Variants in ATG2A observed in about 807,000 individuals in gnomAD.
ATG2A encodes autophagy related 2A.
In ATG2A, 103 loss-of-function variants were observed where a neutral mutation model predicts 214.2. The ratio of observed to expected loss-of-function variants is 0.48; its 90% CI spans 0.41 to 0.57. ATG2A has a LOEUF of 0.57. ATG2A is among the 20% of genes least tolerant of loss of function. The probability of loss-of-function intolerance (pLI) is 0.00; values close to 1 mark genes in which losing one functional copy is unlikely to be tolerated. For missense variants in ATG2A, 2,312 were observed against 2,613.2 expected, an observed-to-expected ratio of 0.88 and a Z score of 2.51; for synonymous variants, 1,160 against 1,142.1, an observed-to-expected ratio of 1.02 and a Z score of -0.32.
At position 64,914,399 on chromosome 11, in the gene ATG2A, G is replaced by A. The variant is rs760477927; in HGVS notation, c.273C>T (p.Thr91=). 1.1e-5 allele frequency: 17 copies of A among 1,611,894 alleles called. No individual in the cohort carries two copies. The highest frequency in any genetic ancestry group is 1.4e-5 in the Non-Finnish European group (16 of 1,179,572). Residue 91 remains threonine, a synonymous_variant, in exon 2 of 41, where the codon ACC becomes ACT. Transcript: ENST00000377264. Reference sequence around the variant, plus strand: ...CGGACACGCGCACTGTGCAGTGGTCGGTGAGCAGAGCAGCCCAGGGCACGG... The same window carrying A: ...CGGACACGCGCACTGTGCAGTGGTCAGTGAGCAGAGCAGCCCAGGGCACGG... ...EVAVPWAALL[T]DHCTVRVSGL...
Position 64,896,505 on chromosome 11 carries a change from G to A in ATG2A, c.5384C>T (p.Ser1795Phe), listed in dbSNP as rs754076734. ...CCGGTTGCTGAGTTCCAGGGCGGCA[G>A]AGGCTGTGGATGAGCCAAAGGAGGC... ...GAASFGSSTA[S>F]AALELSNRLV... The change falls in exon 39 of 41, where the codon TCT (serine) becomes TTT (phenylalanine). Residue 1795 changes from serine (S) to phenylalanine (F), a missense_variant. Transcript: ENST00000377264. The A allele has an allele frequency of 1.2e-5, 19 of 1,613,866 alleles. No individual in the cohort carries two copies. In the African/African-American group the frequency reaches 2.5e-4, roughly 22 times the overall value.
chr11:64,912,284 G>GCCCGGCCCCCC, intron 7 of ATG2A, 35 bp from the exon 8 acceptor site: 1 of 1,602,372 alleles, frequency 6.2e-7, no homozygotes, highest in Non-Finnish European at 8.5e-7. Context: ...GGGCTGGCTG[G>GCCCGGCCCCCC]CCCTCCCAGC....
At chr11:64,900,339 C>A (rs1375819058) in intron 31 of ATG2A, among the ~76,000 whole-genome samples, 155 bp downstream of exon 31, 1 of 152,130 alleles carries the variant, frequency 6.6e-6, no homozygotes, top group East Asian at 1.9e-4. Flanking sequence ...TCTTCACCAT[C>A]GGACACACTC....
Position 64,898,274 on chromosome 11 carries a change from A to G in ATG2A, c.4760T>C (p.Leu1587Pro). 1 of 1,613,752 alleles carries G rather than the reference A, an allele frequency of 6.2e-7. No individual in the cohort carries two copies. Among genetic ancestry groups the G allele is most frequent in the Non-Finnish European group, 8.5e-7 (1 of 1,179,836 alleles). ...TAGACCACTCACCTGGTCCACATTG[A>G]GCCGCAGGGGCATCAGCGAGACGCG... ...CLRVSLMPLR[L>P]NVDQDALFFL... Residue 1587 changes from leucine to proline, a missense_variant, in exon 33 of 41, where the codon CTC (leucine) becomes CCC (proline). Coordinates refer to ENST00000377264, the MANE Select transcript of ATG2A (RefSeq NM_015104.3). This position sits in a 1 kb window ranked among gnomAD's most constrained non-coding sequence, Gnocchi z 4.5.
intron 37 of ATG2A, 155 bp from the exon 38 acceptor site, chr11:64,897,024 CTT>C (rs879757149): frequency 0.03 from 25,571 of 852,724 alleles, no homozygotes; most frequent in South Asian, 0.042. Flanking sequence ...GGACTGTGTC[CTT>C]TTTTTTTTTT....
At chr11:64,896,716 A>G (rs1191303000) in intron 38 of ATG2A, 32 bp downstream of exon 38, 2 of 1,611,928 alleles carry the variant, frequency 1.2e-6, no homozygotes, top group Non-Finnish European at 1.7e-6. Context: ...GGGTAAAAGC[A>G]GTTTCGAGGG....
Position 64,910,840 on chromosome 11 carries a change from CCA to C in ATG2A, c.1579_1580del (p.Trp527AlafsTer6). The C allele has an allele frequency of 6.2e-7, 1 of 1,608,996 alleles. No individual in the cohort carries two copies. Among genetic ancestry groups the C allele is most frequent in the Non-Finnish European group, 8.5e-7 (1 of 1,178,136 alleles). ...FGQLEVLECL[W>X]PRGTSEPEYT... ...ACTCAGGCTCAGAGGTGCCCCGGGG[CCA>C]CAGACACTCCAGCACCTCCAGCTGC... On this transcript the variant is annotated frameshift_variant, in exon 11 of 41. Coordinates refer to ENST00000377264, the MANE Select transcript of ATG2A (RefSeq NM_015104.3). LOFTEE classifies it high-confidence loss of function.
In ATG2A at chr11:64,895,044, G is replaced by A. The variant is rs1432427091; in HGVS notation, c.5746C>T (p.Arg1916Cys). The A allele has an allele frequency of 3.7e-6, 6 of 1,613,246 alleles. No homozygotes were observed. The Admixed American group carries it at 5.0e-5, about 13-fold the overall frequency. Reference sequence around the variant, plus strand: ...TGGGCGTCGGGGACAATCTGGTTGCGCATGCCCCCGAGCAGGCTGGACGTG... The same window carrying A: ...TGGGCGTCGGGGACAATCTGGTTGCACATGCCCCCGAGCAGGCTGGACGTG... ...EATSSLLGGM[R>C]NQIVPDAHKD... The change falls in exon 41 of 41, where the codon CGC becomes TGC. Residue 1916 changes from arginine (R) to cysteine (C), a missense_variant. Physicochemically the swap from Arg to Cys is radical, Grantham distance 180. Coordinates refer to ENST00000377264, the MANE Select transcript of ATG2A (RefSeq NM_015104.3). This position sits in a 1 kb window ranked among gnomAD's most constrained non-coding sequence, Gnocchi z 5.0.
At position 64,894,955 on chromosome 11, in the gene ATG2A, G is replaced by C. The variant is rs749551535; in HGVS notation, c.*18C>G. On this transcript the variant is annotated 3_prime_UTR_variant, in exon 41 of 41. Coordinates refer to ENST00000377264, the MANE Select transcript of ATG2A (RefSeq NM_015104.3). ...GAGCATGGTGGGCAGCACCCTCTGG[G>C]TGCCGGGCACCCCAGGCTCAGTCTT... The C allele has an allele frequency of 1.9e-5, 30 of 1,610,948 alleles. No homozygotes were observed. In the South Asian group the frequency reaches 3.2e-4, roughly 17 times the overall value.
rs533644989 is a variant in ATG2A at position 64,909,753 on chromosome 11, G to A, written c.2035C>T (p.Arg679Trp). 15 of 1,612,956 alleles carry A rather than the reference G, an allele frequency of 9.3e-6. No homozygotes were observed. The highest frequency in any genetic ancestry group is 7.7e-5 in the South Asian group (7 of 91,086). ...LRLELSEPQF[R>W]SELSSGPGPP... ...CCAGGCCCACTGCTAAGCTCTGACC[G>A]GAACTGGGGCTCACTCAGCTCCAGC... The change falls in exon 14 of 41, where the codon CGG (arginine) becomes TGG (tryptophan). Residue 679 changes from arginine (R) to tryptophan (W), a missense_variant. By Grantham distance (101) the Arg-to-Trp change is moderately radical. Transcript: ENST00000377264.
intron 36 of ATG2A, 26 bp downstream of exon 36, chr11:64,897,645 C>T (rs1315877433): frequency 6.2e-7 from 1 of 1,614,120 alleles, no homozygotes. Flanking sequence ...CCCCACATGG[C>T]CACCCCATCC....
chr11:64,898,939 A>T lies in ATG2A; in HGVS notation c.4465-97T>A. 4.2e-6 allele frequency: 5 copies of T among 1,203,580 alleles called. No individual in the cohort carries two copies. Among genetic ancestry groups the T allele is most frequent in the Non-Finnish European group, 5.8e-6 (5 of 859,744 alleles). 74.6% of individuals were successfully genotyped at this position (1,203,580 alleles called of 1,614,324 possible). A position where few individuals can be genotyped will look rare whatever the true frequency, so the allele number is the denominator to read the frequency against. ...CTTCTCTATTCTTTTTTTGAGACAG[A>T]GTCTCACTCTGTCGCCCAGGTTGGA... On this transcript the variant is annotated intron_variant, in intron 31 of 40. Transcript: ENST00000377264. The surrounding 1 kb of genome is among the most constrained non-coding windows in gnomAD (Gnocchi z 4.5).
chr11:64,908,571 A>G (rs1944643519), intron 16 of ATG2A, among the ~76,000 whole-genome samples: 1 of 152,072 alleles, frequency 6.6e-6, no homozygotes, highest in Non-Finnish European at 1.5e-5. Context: ...AGAAAAAAAA[A>G]GAGAGAAAGA....
At chr11:64,905,989 G>GA in intron 22 of ATG2A, 124 bp downstream of exon 22, 1 of 1,396,402 alleles carries the variant, frequency 7.2e-7, no homozygotes, top group South Asian at 1.3e-5. Flanking sequence ...AGGAGCTCCG[G>GA]ACAAGGTCAG....
intron 27 of ATG2A, 44 bp downstream of exon 27, chr11:64,902,472 C>G: frequency 2.0e-6 from 3 of 1,525,882 alleles, no homozygotes; most frequent in Non-Finnish European, 2.6e-6. Context: ...GGGGAGGGGC[C>G]TGGCCGAGCT....
intron 6 of ATG2A, 131 bp from the exon 7 acceptor site, chr11:64,912,554 C>T: frequency 1.4e-6 from 1 of 727,642 alleles, no homozygotes; most frequent in East Asian, 2.8e-5. Flanking sequence ...CCAACTAGCT[C>T]TATGAACCAG....
chr11:64,894,723 G>A lies in ATG2A; in HGVS notation c.*250C>T, dbSNP rs866531708. ...AAAGCCTCCGTCCTGGGAGAAGGCA[G>A]CAGTGTGGGCCCAGGTCGGGGGAGG... On this transcript the variant is annotated 3_prime_UTR_variant, in exon 41 of 41. Transcript: ENST00000377264. The A allele has an allele frequency of 1.9e-5, 13 of 696,866 alleles. No individual in the cohort carries two copies. The Middle Eastern group carries it at 2.8e-3, about 149-fold the overall frequency. 43.2% of individuals were successfully genotyped at this position (696,866 alleles called of 1,614,324 possible).
At position 64,898,570 on chromosome 11, in the gene ATG2A, G is replaced by T. The variant is rs1049364464; in HGVS notation, c.4671+66C>A. ...CGTGTATGTGTGTGAATCCATGCAT[G>T]CGTGAAGATGTATCCCCAACGGTCT... On this transcript the variant is annotated intron_variant, in intron 32 of 40. Coordinates refer to ENST00000377264, the MANE Select transcript of ATG2A (RefSeq NM_015104.3). This position sits in a 1 kb window ranked among gnomAD's most constrained non-coding sequence, Gnocchi z 4.5. 2.6e-6 allele frequency: 4 copies of T among 1,553,092 alleles called. No individual in the cohort carries two copies. The African/African-American group carries it at 5.4e-5, about 21-fold the overall frequency.
chr11:64,905,703 C>T (rs767681559), intron 23 of ATG2A, 39 bp downstream of exon 23: 61 of 1,613,382 alleles, frequency 3.8e-5, no homozygotes, highest in Non-Finnish European at 5.2e-5. Context: ...CCTGAGAGCC[C>T]ATCCCCGTCC....
Sources: allele counts gnomAD v4.1 joint callset (sites outside exome capture counted in the v4.1 genomes callset), GRCh38; gene constraint gnomAD v4.1.1; non-coding constraint Gnocchi (gnomAD v3.1); transcripts MANE v1.5; gene names NCBI Gene and HGNC (gene_info 2026-07-23, HGNC 2026-07-21).